ERCC6: variants seen among roughly 807,000 people sequenced by gnomAD.
ERCC6 encodes ERCC excision repair 6, chromatin remodeling factor, also known as DNA excision repair protein ERCC-6.
A neutral mutation model predicts 158.7 loss-of-function variants in ERCC6; 116 were observed. The ratio of observed to expected loss-of-function variants is 0.73; its 90% CI spans 0.63 to 0.85. The LOEUF (loss-of-function observed/expected upper bound fraction) is 0.85, where lower values mean the gene tolerates loss of function less well. ERCC6 is among the 40% of genes least tolerant of loss of function. The probability of loss-of-function intolerance (pLI) is 0.00; values close to 1 mark genes in which losing one functional copy is unlikely to be tolerated. For synonymous variants in ERCC6, 678 were observed against 659.3 expected, an observed-to-expected ratio of 1.03 and a Z score of -0.43; for missense variants, 1,698 against 1,799.4, an observed-to-expected ratio of 0.94 and a Z score of 1.02.
Position 49,470,613 on chromosome 10 carries a change from C to A in ERCC6, c.3347G>T (p.Gly1116Val). ...RLGEETNAVS[G>V]PEELSVISGN... ...ACTAATCACTGACAACTCTTCTGGTCCAGATACTGCATTTGTCTCTTCTCC... is the reference window on the plus strand; with the variant it reads ...ACTAATCACTGACAACTCTTCTGGTACAGATACTGCATTTGTCTCTTCTCC... Residue 1116 changes from glycine (G) to valine (V), a missense_variant, in exon 18 of 21, where the codon GGA becomes GTA. Physicochemically the swap from Gly to Val is moderately radical, Grantham distance 109. Transcript: ENST00000355832. The A allele has an allele frequency of 6.2e-7, 1 of 1,613,720 alleles. No individual in the cohort carries two copies. The highest frequency in any genetic ancestry group is 8.5e-7 in the Non-Finnish European group (1 of 1,179,736).
chr10:49,503,881 A>G (rs1851396126), intron 6 of ERCC6: 1 of 152,198 alleles, frequency 6.6e-6, no homozygotes, highest in South Asian at 2.1e-4. Context: ...ATTGGTGTAC[A>G]TTGGCATTGC....
intron 10 of ERCC6, among the ~76,000 whole-genome samples, 165 bp from the exon 11 acceptor site, chr10:49,478,635 GTTCCATATA>G (rs1850921510): frequency 6.6e-6 from 1 of 151,484 alleles, no homozygotes; most frequent in Non-Finnish European, 1.5e-5. Flanking sequence ...GCTAGCATAA[GTTCCATATA>G]CTCCAAGGGG....
chr10:49,439,195 C>G, the ERCC6 span, among the ~76,000 whole-genome samples: 1 of 152,250 alleles, frequency 6.6e-6, no homozygotes, highest in African/African-American at 2.4e-5. Flanking sequence ...AGCAAAGGTT[C>G]TCCATGAGTG....
intron 7 of ERCC6, among the ~76,000 whole-genome samples, chr10:49,494,724 G>A (rs531320399): frequency 6.6e-6 from 1 of 152,196 alleles, no homozygotes; most frequent in Non-Finnish European, 1.5e-5. Flanking sequence ...AACTTTGTAA[G>A]GAAAAATTAC....
chr10:49,526,891 T>C (rs1272592165), intron 4 of ERCC6, among the ~76,000 whole-genome samples: 1 of 152,064 alleles, frequency 6.6e-6, no homozygotes, highest in East Asian at 1.9e-4. Flanking sequence ...AAGGTACTAG[T>C]AGAACCTAGG....
At position 49,456,129 on chromosome 10, in the gene ERCC6, A is replaced by T. The variant is rs527856019; in HGVS notation, c.*2686T>A. 5.3e-5 allele frequency: 8 copies of T among 152,346 alleles called. No homozygotes were observed. In the South Asian group the frequency reaches 1.7e-3, roughly 32 times the overall value. 9.4% of individuals were successfully genotyped at this position (152,346 alleles called of 1,614,324 possible). A position where few individuals can be genotyped will look rare whatever the true frequency, so the allele number is the denominator to read the frequency against. The stretch of plus-strand genomic sequence containing the variant: ...TATTTAAAGCAAACTAATTGCTATA[A>T]TAGACTTCAAAAGACAGTAGCTTAA... On this transcript the variant is annotated 3_prime_UTR_variant, in exon 21 of 21. Coordinates refer to ENST00000355832, the MANE Select transcript of ERCC6 (RefSeq NM_000124.4).
intron 8 of ERCC6, among the ~76,000 whole-genome samples, chr10:49,484,404 C>G (rs945024961): frequency 1.3e-5 from 2 of 151,568 alleles, no homozygotes; most frequent in Non-Finnish European, 2.9e-5. Flanking sequence ...AAGAAAAAGA[C>G]GCATCTGTAG....
chr10:49,460,895 A>C (rs554496848), intron 19 of ERCC6, among the ~76,000 whole-genome samples: 5 of 152,322 alleles, frequency 3.3e-5, no homozygotes, highest in Admixed American at 6.5e-5. Flanking sequence ...TCTCTAAAAA[A>C]AGAAAAAAAA....
chr10:49,482,689 G>T lies in ERCC6; in HGVS notation c.2167C>A (p.Gln723Lys), dbSNP rs151242354. 2.5e-6 allele frequency: 4 copies of T among 1,613,486 alleles called. No homozygotes were observed. The highest frequency in any genetic ancestry group is 3.4e-6 in the Non-Finnish European group (4 of 1,179,604). ...GTATTATCATCCTAATATTTTACCT[G>T]TACTGGGGAAGCATTTGAATATCCC... ...MGGYSNASPV[Q>K]VKTAYKCACV... Residue 723 changes from glutamine to lysine, a missense_variant and splice_region_variant, in exon 10 of 21, where the codon CAG (glutamine) becomes AAG (lysine). By Grantham distance (53) the Gln-to-Lys change is moderately conservative. Coordinates refer to ENST00000355832, the MANE Select transcript of ERCC6 (RefSeq NM_000124.4).
chr10:49,438,605 C>T, the ERCC6 span, among the ~76,000 whole-genome samples: 2 of 152,132 alleles, frequency 1.3e-5, no homozygotes, highest in African/African-American at 4.8e-5. Context: ...CATGTCCTCA[C>T]ATTTGAAAAC....
chr10:49,494,545 A>G (rs1851233202), intron 7 of ERCC6, among the ~76,000 whole-genome samples: 1 of 152,154 alleles, frequency 6.6e-6, no homozygotes, highest in Non-Finnish European at 1.5e-5. Flanking sequence ...CTGAAGAATC[A>G]GATCTCTGCA....
At chr10:49,449,558 G>GTTTTTTT (rs1180100357), downstream of ERCC6, among the ~76,000 whole-genome samples, 2 of 105,154 alleles carry the variant, frequency 1.9e-5, no homozygotes, top group African/African-American at 7.9e-5. Context: ...TGATAGTTAG[G>GTTTTTTT]TCTTTTTTTT....
rs1482454364 is a variant in ERCC6 at position 49,454,479 on chromosome 10, T to C, written c.*4336A>G. On this transcript the variant is annotated 3_prime_UTR_variant, in exon 21 of 21. Coordinates refer to ENST00000355832, the MANE Select transcript of ERCC6 (RefSeq NM_000124.4). ...ACTGTTCTTACCAAGATTTGGATTT[T>C]CTTGAATAAGCGTTACTTTATTCTA... is the stretch of plus-strand genomic sequence containing the variant. Among the ~76,000 whole-genome samples the C allele has an allele frequency of 6.6e-6, 1 of 152,224 alleles. No individual in the cohort carries two copies. Among genetic ancestry groups the C allele is most frequent in the Admixed American group, 6.5e-5 (1 of 15,272 alleles).
chr10:49,461,247 T>C lies in ERCC6; in HGVS notation c.3983+105A>G, dbSNP rs976142155. The C allele has an allele frequency of 6.0e-6, 7 of 1,171,982 alleles. No individual in the cohort carries two copies. In the East Asian group the frequency reaches 1.2e-4, roughly 21 times the overall value. 72.6% of individuals were successfully genotyped at this position (1,171,982 alleles called of 1,614,324 possible). A position where few individuals can be genotyped will look rare whatever the true frequency, so the allele number is the denominator to read the frequency against. The stretch of plus-strand genomic sequence containing the variant: ...GCTATAATCCCTCCCTGGGGATTTA[T>C]TCCTGAAGAGAAATAACAGTATAAG... On this transcript the variant is annotated intron_variant, in intron 19 of 20. Transcript: ENST00000355832.
chr10:49,477,552 C>A (rs1850900363), intron 11 of ERCC6, among the ~76,000 whole-genome samples: 1 of 152,170 alleles, frequency 6.6e-6, no homozygotes, highest in South Asian at 2.1e-4. Flanking sequence ...TCCTAGTGGC[C>A]AAACACACTG....
chr10:49,461,640 T>G, intron 18 of ERCC6, 84 bp from the exon 19 acceptor site: 3 of 1,371,822 alleles, frequency 2.2e-6, no homozygotes, highest in Non-Finnish European at 2.0e-6. Flanking sequence ...TACAGTACTG[T>G]AGTAGACAAA....
At chr10:49,473,055 C>A in intron 14 of ERCC6, 27 bp from the exon 15 acceptor site, 5 of 1,613,904 alleles carry the variant, frequency 3.1e-6, no homozygotes, top group Non-Finnish European at 4.2e-6. Flanking sequence ...CAACACTGAG[C>A]ACACACACTT....
intron 5 of ERCC6, among the ~76,000 whole-genome samples, chr10:49,519,958 T>C (rs955371611): frequency 1.3e-5 from 2 of 152,146 alleles, no homozygotes; most frequent in Admixed American, 6.5e-5. Flanking sequence ...GTGTTTCCCA[T>C]GTGATTCTGA....
Position 49,505,730 on chromosome 10 carries a change from G to A in ERCC6, c.1526+154C>T, listed in dbSNP as rs143220639. 2.1e-4 allele frequency: 167 copies of A among 786,596 alleles called. No homozygotes were observed. In the East Asian group the frequency reaches 3.6e-3, roughly 17 times the overall value. The allele number at this position is 786,596 out of a possible 1,614,324, so 48.7% of individuals were successfully genotyped here. On this transcript the variant is annotated intron_variant, in intron 6 of 20. Transcript: ENST00000355832. ...ATCATCCAATTTTAATGAACAGCACGTGGCTATAATTTCATTTGACAGTAT... is the reference window on the plus strand; with the variant it reads ...ATCATCCAATTTTAATGAACAGCACATGGCTATAATTTCATTTGACAGTAT...
Sources: gnomAD v4.1 joint callset for allele counts (sites outside exome capture counted in the v4.1 genomes callset) on GRCh38, gnomAD v4.1.1 for gene constraint, MANE v1.5 for transcripts, NCBI Gene and HGNC (gene_info 2026-07-23, HGNC 2026-07-21) for gene names.